The following PDE11A variants were observed in gnomAD, a reference collection of about 807,000 sequenced individuals.
PDE11A encodes dual 3',5'-cyclic-AMP and -GMP phosphodiesterase 11A.
A neutral mutation model predicts 100.5 loss-of-function variants in PDE11A; 100 were observed. The observed-to-expected ratio is 1.00, with a 90% CI of 0.85 to 1.18. The LOEUF is 1.18. PDE11A is among the 50% of genes most tolerant of loss of function. The pLI is 0.00. For missense variants in PDE11A, 1,141 were observed against 1,152.6 expected (o/e 0.99, Z 0.15); for synonymous variants, 381 against 420.8 (o/e 0.91, Z 1.16).
intron 2 of PDE11A, among the ~76,000 whole-genome samples, chr2:177,945,651 C>G (rs1205080468): frequency 3.4e-5 from 5 of 147,942 alleles, no homozygotes; most frequent in Middle Eastern, 3.8e-3. Context: ...GGTGAGGAGC[C>G]TCTCCGCCCG....
intron 10 of PDE11A, among the ~76,000 whole-genome samples, chr2:177,753,375 A>C (rs1043898812): frequency 6.6e-6 from 1 of 152,138 alleles, no homozygotes; most frequent in Non-Finnish European, 1.5e-5. Flanking sequence ...TAACAACAAA[A>C]GAGTAAAACC....
At chr2:178,025,680 A>G (rs2086469778) in intron 1 of PDE11A, among the ~76,000 whole-genome samples, 1 of 152,210 alleles carries the variant, frequency 6.6e-6, no homozygotes, top group African/African-American at 2.4e-5. Context: ...GACAGCCCAG[A>G]TATCTATTAC....
chr2:177,961,548 TC>T (rs965081111), intron 2 of PDE11A, among the ~76,000 whole-genome samples: 4 of 152,280 alleles, frequency 2.6e-5, no homozygotes, highest in Admixed American at 1.3e-4. Flanking sequence ...TGAAACCAAT[TC>T]CCACATTTTT....
chr2:177,833,484 T>TA (rs2083342969), intron 6 of PDE11A, among the ~76,000 whole-genome samples: 1 of 152,190 alleles, frequency 6.6e-6, no homozygotes, highest in African/African-American at 2.4e-5. Context: ...AAGAGGATGC[T>TA]AAAGGAAAGA....
chr2:177,756,561 C>A (rs1479099935), intron 10 of PDE11A, among the ~76,000 whole-genome samples: 2 of 152,144 alleles, frequency 1.3e-5, no homozygotes, highest in Non-Finnish European at 2.9e-5. Flanking sequence ...AGGACGGCCA[C>A]CTGTTCCCAC....
chr2:177,805,918 A>C (rs1344911693), intron 9 of PDE11A, among the ~76,000 whole-genome samples: 2 of 152,232 alleles, frequency 1.3e-5, no homozygotes, highest in Admixed American at 1.3e-4. Flanking sequence ...AAGTCTAAAC[A>C]AATAAAATTC....
rs2081622806 is a variant in PDE11A, at chr2:177,727,852, C to A, written c.1936-87G>T. On this transcript the variant is annotated intron_variant, in intron 11 of 19. Transcript: ENST00000286063. ...CAATGGTGCCTTATATCTGAGTAAC[C>A]CTCAGTGATCAAAGGCCTTCCACAA... The A allele has an allele frequency of 3.0e-6, 3 of 993,194 alleles. No homozygotes were observed. In the Admixed American group the frequency reaches 5.2e-5, roughly 17 times the overall value. 61.5% of individuals were successfully genotyped at this position (993,194 alleles called of 1,614,324 possible).
intron 15 of PDE11A, among the ~76,000 whole-genome samples, chr2:177,691,416 C>T (rs1319716037): frequency 6.6e-6 from 1 of 152,192 alleles, no homozygotes; most frequent in Non-Finnish European, 1.5e-5. Context: ...GAATTGCTAA[C>T]ACTTAGCATG....
intron 1 of PDE11A, 50 bp from the exon 2 acceptor site, chr2:178,014,510 GAGA>G: frequency 4.9e-6 from 7 of 1,439,084 alleles, no homozygotes; most frequent in Non-Finnish European, 6.8e-6. Flanking sequence ...TGTTGTCAGG[GAGA>G]AGGAGAGAGA....
chr2:177,653,848 C>T (rs1409487308), intron 19 of PDE11A, among the ~76,000 whole-genome samples: 1 of 152,160 alleles, frequency 6.6e-6, no homozygotes, highest in East Asian at 1.9e-4. Context: ...CAGCAGCCCT[C>T]GGAAACTAAC....
intron 2 of PDE11A, among the ~76,000 whole-genome samples, chr2:177,946,202 G>A (rs1574299136): frequency 3.2e-5 from 3 of 93,280 alleles, no homozygotes; most frequent in Admixed American, 9.1e-5. Context: ...CCCTCTGCCC[G>A]GCCAGCCGCC....
At chr2:178,074,256 G>T (rs1219311813), upstream of PDE11A, among the ~76,000 whole-genome samples, 1 of 151,842 alleles carries the variant, frequency 6.6e-6, no homozygotes, top group East Asian at 1.9e-4. Flanking sequence ...TTTTTGGGGG[G>T]TGTGGGGGGT....
At chr2:177,791,706 T>C (rs926144906) in intron 9 of PDE11A, among the ~76,000 whole-genome samples, 3 of 152,180 alleles carry the variant, frequency 2.0e-5, no homozygotes, top group South Asian at 4.1e-4. Context: ...TTATAGTATA[T>C]GTTTCTTAAA....
chr2:177,965,593 CCAG>C (rs2085688308), intron 2 of PDE11A, among the ~76,000 whole-genome samples: 1 of 152,054 alleles, frequency 6.6e-6, no homozygotes, highest in East Asian at 1.9e-4. Flanking sequence ...GCCAGTTATC[CCAG>C]CACCATTTAT....
At position 177,851,725 on chromosome 2, in the gene PDE11A, C is replaced by T. The variant is rs771268952; in HGVS notation, c.1368-11342G>A. On this transcript the variant is annotated intron_variant, in intron 5 of 19. Transcript: ENST00000286063. ...CATACAGATGACTCTTTCTGTTTTT[C>T]GTTTTTAAAATGTCTTTTTTTTTAA... 1.2e-3 allele frequency among the ~76,000 whole-genome samples: 180 copies of T among 151,312 alleles called. 1 individual carries two copies. The highest frequency in any genetic ancestry group is 2.2e-3 in the Non-Finnish European group (150 of 67,722).
At position 177,948,262 on chromosome 2, in the gene PDE11A, C is replaced by T. The variant is rs538195610; in HGVS notation, c.1072-43075G>A. On this transcript the variant is annotated intron_variant, in intron 2 of 19. Transcript: ENST00000286063. ...TCATAAAACACTGTGATCCTTGAAACTTAGTATCTGTTTGCATCCATGATT... is the reference window on the plus strand; with the variant it reads ...TCATAAAACACTGTGATCCTTGAAATTTAGTATCTGTTTGCATCCATGATT... Among the ~76,000 whole-genome samples, 14 of 152,210 alleles carry T rather than the reference C, an allele frequency of 9.2e-5. No individual in the cohort carries two copies. The South Asian group carries it at 2.9e-3, about 32-fold the overall frequency.
At chr2:177,721,773 T>G (rs1411893071) in intron 12 of PDE11A, among the ~76,000 whole-genome samples, 3 of 152,190 alleles carry the variant, frequency 2.0e-5, no homozygotes, top group Non-Finnish European at 2.9e-5. Context: ...TGCACATTAA[T>G]TGTGTAGAAA....
At chr2:177,999,097 T>C (rs1468824292) in intron 2 of PDE11A, among the ~76,000 whole-genome samples, 1 of 152,212 alleles carries the variant, frequency 6.6e-6, no homozygotes, top group Non-Finnish European at 1.5e-5. Context: ...ATAGGAATCA[T>C]GTCCAAGTGT....
chr2:177,728,377 G>T, intron 10 of PDE11A, among the ~76,000 whole-genome samples: 1 of 139,538 alleles, frequency 7.2e-6, no homozygotes, highest in African/African-American at 2.6e-5. Context: ...GGGCAGGGTT[G>T]GGGGCGGGGG....
Sources: gnomAD v4.1 joint callset for allele counts (sites outside exome capture counted in the v4.1 genomes callset) on GRCh38, gnomAD v4.1.1 for gene constraint, MANE v1.5 for transcripts, NCBI Gene and HGNC (gene_info 2026-07-23, HGNC 2026-07-21) for gene names.